ESR1: variants seen among roughly 807,000 people sequenced by gnomAD.
The protein encoded by ESR1 is estrogen receptor 1, also known as estrogen receptor.
ESR1 carries 12 observed loss-of-function variants against 52.7 expected under a neutral mutation model. That is an observed-to-expected ratio of 0.23 (90% CI 0.15 to 0.37). The LOEUF is 0.37. ESR1 is among the 10% of genes least tolerant of loss of function. ESR1 has a pLI of 1.00. For missense variants in ESR1, 584 were observed against 779.7 expected (o/e 0.75, Z 2.99); for synonymous variants, 305 against 316.8 (o/e 0.96, Z 0.39).
At chr6:151,963,699 AT>A in intron 4 of ESR1, among the ~76,000 whole-genome samples, 1 of 152,236 alleles carries the variant, frequency 6.6e-6, no homozygotes, top group African/African-American at 2.4e-5. Flanking sequence ...TATCAAACTA[AT>A]TTTGCTTTTG....
intron 5 of ESR1, among the ~76,000 whole-genome samples, chr6:152,014,151 T>C (rs1447674246): frequency 1.3e-5 from 2 of 152,156 alleles, no homozygotes; most frequent in Admixed American, 1.3e-4. Flanking sequence ...ATTGTGAGGC[T>C]TCCCCAGTCA....
At chr6:152,051,992 A>C (rs759696416) in intron 5 of ESR1, among the ~76,000 whole-genome samples, 2 of 152,192 alleles carry the variant, frequency 1.3e-5, no homozygotes, top group African/African-American at 4.8e-5. Flanking sequence ...ACCTGATGCC[A>C]GGTAATTTAT....
At chr6:151,971,076 A>G (rs1425321968) in intron 4 of ESR1, among the ~76,000 whole-genome samples, 1 of 152,212 alleles carries the variant, frequency 6.6e-6, no homozygotes, top group African/African-American at 2.4e-5. Context: ...CATCTTATAC[A>G]CCATAGATAA....
intron 4 of ESR1, among the ~76,000 whole-genome samples, chr6:151,970,999 T>C (rs1205516117): frequency 6.6e-6 from 1 of 152,210 alleles, no homozygotes; most frequent in Non-Finnish European, 1.5e-5. Flanking sequence ...TTTGTGGACA[T>C]GCCTGATTTC....
At chr6:151,734,183 G>T (rs1782462375) in intron 2 of ESR1, among the ~76,000 whole-genome samples, 1 of 152,160 alleles carries the variant, frequency 6.6e-6, no homozygotes. Flanking sequence ...TTTAAATGAG[G>T]AATATTCTCC....
intron 5 of ESR1, among the ~76,000 whole-genome samples, chr6:152,039,847 G>A (rs2045635791): frequency 6.6e-6 from 1 of 152,160 alleles, no homozygotes; most frequent in Admixed American, 6.5e-5. Context: ...GGGGAACAGG[G>A]TAAGACCAGT....
chr6:151,862,751 A>G lies in ESR1; in HGVS notation c.644-17904A>G, dbSNP rs1044277515. 2.4e-4 allele frequency among the ~76,000 whole-genome samples: 37 copies of G among 152,204 alleles called. 1 individual carries two copies. The highest frequency in any genetic ancestry group is 8.8e-5 in the Non-Finnish European group (6 of 68,006). On this transcript the variant is annotated intron_variant, in intron 2 of 7. Transcript: ENST00000206249. ...ACAGCTCACACTTAGCCTTTTTCCT[A>G]TTCTGTGTGAAAGAACTGTAGTAGT...
intron 1 of ESR1, among the ~76,000 whole-genome samples, chr6:151,670,465 T>A (rs528454207): frequency 6.6e-6 from 1 of 152,218 alleles, no homozygotes; most frequent in Non-Finnish European, 1.5e-5. Flanking sequence ...GTCATCACAG[T>A]ATCCTTGGCT....
At position 152,061,200 on chromosome 6, in the gene ESR1, C is replaced by A. The variant is rs2047514453; in HGVS notation, c.1369+76C>A. On this transcript the variant is annotated intron_variant, in intron 6 of 7. Coordinates refer to ENST00000206249, the MANE Select transcript of ESR1 (RefSeq NM_000125.4). The surrounding 1 kb of genome is among the most constrained non-coding windows in gnomAD (Gnocchi z 4.3). ...AGTTTTCAACCAGATACGATCTACC[C>A]ACTCCAAAGGCATAATGTCATAAAT... The A allele has an allele frequency of 7.2e-7, 1 of 1,383,596 alleles. No individual in the cohort carries two copies. The highest frequency in any genetic ancestry group is 1.0e-6 in the Non-Finnish European group (1 of 974,058). 85.7% of individuals were successfully genotyped at this position (1,383,596 alleles called of 1,614,324 possible).
chr6:151,961,298 G>A (rs1471289674), intron 4 of ESR1, among the ~76,000 whole-genome samples: 2 of 152,166 alleles, frequency 1.3e-5, no homozygotes, highest in African/African-American at 2.4e-5. Context: ...CTGTGGCATC[G>A]TGAAAGACAA....
chr6:151,784,387 T>G (rs959732175), intron 2 of ESR1, among the ~76,000 whole-genome samples: 5 of 152,214 alleles, frequency 3.3e-5, no homozygotes, highest in Non-Finnish European at 5.9e-5. Flanking sequence ...TTCCAGCTTC[T>G]AGAAGTTATA....
intron 6 of ESR1, among the ~76,000 whole-genome samples, chr6:152,076,437 C>T (rs566520495): frequency 3.6e-4 from 55 of 152,026 alleles, no homozygotes; most frequent in Admixed American, 2.5e-3. Context: ...ATCAGCAGCA[C>T]GAAAATGGAC....
intron 2 of ESR1, among the ~76,000 whole-genome samples, chr6:151,744,725 A>C (rs1013445685): frequency 3.9e-5 from 6 of 152,168 alleles, no homozygotes; most frequent in Admixed American, 3.9e-4. Context: ...GTTGAAAAAC[A>C]GTTTGTATAT....
At chr6:151,881,885 T>TC (rs1381675446) in intron 3 of ESR1, among the ~76,000 whole-genome samples, 17 of 16,112 alleles carry the variant, frequency 1.1e-3, no homozygotes. Flanking sequence ...TCTGTCTCAA[T>TC]AAATAAATAA....
At chr6:151,808,474 C>G (rs1349221388) in intron 1 of ESR1, 110 bp downstream of exon 1, 2 of 1,044,200 alleles carry the variant, frequency 1.9e-6, no homozygotes, top group Non-Finnish European at 2.6e-6. Context: ...GCGGGACGCG[C>G]GACCCGAGGG....
Position 151,880,649 on chromosome 6 carries a change from T to A in ESR1, c.644-6T>A, listed in dbSNP as rs775122947. The A allele has an allele frequency of 1.1e-5, 16 of 1,503,764 alleles. No individual in the cohort carries two copies. Among genetic ancestry groups the A allele is most frequent in the African/African-American group, 2.7e-5 (2 of 72,744 alleles). The allele number at this position is 1,503,764 out of a possible 1,614,324, so 93.2% of individuals were successfully genotyped here. ...AATATTAATTCTGTCCTCTTGCTTTTAATAGGACATAACGACTATATGTGT... is the reference window on the plus strand; with the variant it reads ...AATATTAATTCTGTCCTCTTGCTTTAAATAGGACATAACGACTATATGTGT... On this transcript the variant is annotated splice_polypyrimidine_tract_variant and splice_region_variant and intron_variant, in intron 2 of 7. Coordinates refer to ENST00000206249, the MANE Select transcript of ESR1 (RefSeq NM_000125.4).
At chr6:151,968,491 C>T (rs1408581603) in intron 4 of ESR1, among the ~76,000 whole-genome samples, 2 of 152,162 alleles carry the variant, frequency 1.3e-5, no homozygotes, top group Non-Finnish European at 2.9e-5. Context: ...AGGCAACCTA[C>T]AGAATGGGAG....
In ESR1 at chr6:151,672,437, A is replaced by G. The variant is rs930802463; in HGVS notation, n.73+15674A>G. Among the ~76,000 whole-genome samples the G allele has an allele frequency of 7.3e-5, 11 of 151,496 alleles. 1 individual carries two copies. The South Asian group carries it at 2.1e-3, about 29-fold the overall frequency. ...CTGTAGCCTCTGCCTTCCAGGTTCC[A>G]GCGATTCTCCTGCCTCAGCCTCCTA... On this transcript the variant is annotated intron_variant and non_coding_transcript_variant, in intron 1 of 2. Coordinates refer to the ESR1 transcript ENST00000473497.
chr6:151,984,514 A>T (rs1249668077), intron 4 of ESR1, among the ~76,000 whole-genome samples: 1 of 152,148 alleles, frequency 6.6e-6, no homozygotes, highest in African/African-American at 2.4e-5. Context: ...AGAACTTTTT[A>T]CACACAATGA....
Sources: allele counts gnomAD v4.1 joint callset (sites outside exome capture counted in the v4.1 genomes callset), GRCh38; gene constraint gnomAD v4.1.1; non-coding constraint Gnocchi (gnomAD v3.1); transcripts MANE v1.5; gene names NCBI Gene and HGNC (gene_info 2026-07-23, HGNC 2026-07-21).